Variants in ZRANB1 observed in about 807,000 individuals in gnomAD.
The protein encoded by ZRANB1 is zinc finger RANBP2-type containing 1, also known as ubiquitin thioesterase ZRANB1.
ZRANB1 carries 16 observed loss-of-function variants against 80.5 expected under a neutral mutation model. That is an observed-to-expected ratio of 0.20 (90% CI 0.13 to 0.30). ZRANB1 has a LOEUF of 0.30. Ranked by LOEUF, ZRANB1 falls within the 10% of genes least tolerant of loss-of-function variation. The probability of loss-of-function intolerance (pLI) is 1.00; values close to 1 mark genes in which losing one functional copy is unlikely to be tolerated. For missense variants in ZRANB1, 576 were observed against 862.6 expected (o/e 0.67, Z 4.16); for synonymous variants, 291 against 293.1 (o/e 0.99, Z 0.07).
upstream of ZRANB1, among the ~76,000 whole-genome samples, chr10:124,941,434 A>C (rs941674065): frequency 6.6e-6 from 1 of 152,000 alleles, no homozygotes; most frequent in Non-Finnish European, 1.5e-5. Context: ...GCTCACTGCA[A>C]CCTCTGCCTG....
chr10:124,917,606 C>T, the ZRANB1 span, among the ~76,000 whole-genome samples: 1 of 152,180 alleles, frequency 6.6e-6, no homozygotes, highest in Non-Finnish European at 1.5e-5. Flanking sequence ...GGAGACGGAT[C>T]GGCGAGTGGG....
chr10:124,930,010 G>GTTAC, the ZRANB1 span, among the ~76,000 whole-genome samples: 1 of 150,602 alleles, frequency 6.6e-6, no homozygotes, highest in African/African-American at 2.4e-5. Flanking sequence ...ATTCAATGAA[G>GTTAC]TTACTGTTCT....
chr10:124,937,463 G>A (rs1231310306), upstream of ZRANB1, among the ~76,000 whole-genome samples: 1 of 121,476 alleles, frequency 8.2e-6, no homozygotes, highest in Non-Finnish European at 1.8e-5. Context: ...TGGGATTATA[G>A]GCATCAGCCA....
chr10:124,960,105 G>A (rs1951721249), intron 1 of ZRANB1, among the ~76,000 whole-genome samples: 1 of 152,126 alleles, frequency 6.6e-6, no homozygotes, highest in African/African-American at 2.4e-5. Flanking sequence ...TTTTTAAGAG[G>A]TTTTGTGGTG....
At chr10:124,930,993 C>G in the ZRANB1 span, among the ~76,000 whole-genome samples, 1 of 152,076 alleles carries the variant, frequency 6.6e-6, no homozygotes, top group African/African-American at 2.4e-5. Context: ...TCATGCTGCT[C>G]TAGCTTAGGC....
intron 1 of ZRANB1, among the ~76,000 whole-genome samples, chr10:124,963,554 G>GT (rs760813299): frequency 0.12 from 7,026 of 57,008 alleles, 137 homozygotes; most frequent in Non-Finnish European, 0.16. Flanking sequence ...TTTTTTGTTT[G>GT]TTTTTTTTTT....
At chr10:124,921,652 A>G in the ZRANB1 span, among the ~76,000 whole-genome samples, 1 of 152,166 alleles carries the variant, frequency 6.6e-6, no homozygotes, top group Non-Finnish European at 1.5e-5. Context: ...GAAAGTATAT[A>G]AAAAGTATTT....
chr10:124,969,232 A>G (rs968257301), intron 2 of ZRANB1, among the ~76,000 whole-genome samples: 2 of 152,192 alleles, frequency 1.3e-5, no homozygotes, highest in African/African-American at 2.4e-5. Context: ...TGATTTAGGA[A>G]GCAACATACC....
chr10:124,933,683 T>C, the ZRANB1 span, among the ~76,000 whole-genome samples: 1 of 152,216 alleles, frequency 6.6e-6, no homozygotes, highest in Non-Finnish European at 1.5e-5. Context: ...AATGTTGTCA[T>C]AGGTTGTTAC....
chr10:124,920,853 C>T, the ZRANB1 span, among the ~76,000 whole-genome samples: 1 of 151,980 alleles, frequency 6.6e-6, no homozygotes, highest in African/African-American at 2.4e-5. Context: ...TATCTCTATA[C>T]CCTGTATCTA....
In ZRANB1 at chr10:124,981,551, T is replaced by C. The variant is rs878983083; in HGVS notation, c.1428-158T>C. The C allele has an allele frequency of 2.9e-5, 19 of 645,992 alleles. 1 individual carries two copies. The South Asian group carries it at 4.4e-4, about 15-fold the overall frequency. 40.0% of individuals were successfully genotyped at this position (645,992 alleles called of 1,614,324 possible). A position where few individuals can be genotyped will look rare whatever the true frequency, so the allele number is the denominator to read the frequency against. On this transcript the variant is annotated intron_variant, in intron 5 of 8. Coordinates refer to ENST00000359653, the MANE Select transcript of ZRANB1 (RefSeq NM_017580.3). Reference sequence around the variant, plus strand: ...TATCTGCTAGTGGAAGAGGGAGGCATTTTTCATTAGAAAAATACATTACCA... The same window carrying C: ...TATCTGCTAGTGGAAGAGGGAGGCACTTTTCATTAGAAAAATACATTACCA...
chr10:124,962,944 T>G (rs1278237373), intron 1 of ZRANB1, among the ~76,000 whole-genome samples: 6 of 152,054 alleles, frequency 3.9e-5, no homozygotes, highest in African/African-American at 1.5e-4. Flanking sequence ...AATACACGTT[T>G]GTTAAATTTT....
At chr10:124,943,356 A>G (rs1951552865) in intron 1 of ZRANB1, 49 bp downstream of exon 1, 1 of 1,545,120 alleles carries the variant, frequency 6.5e-7, no homozygotes, top group East Asian at 2.3e-5. Context: ...AAAAGGTAGT[A>G]AAAATGATAT....
the ZRANB1 span, among the ~76,000 whole-genome samples, chr10:124,928,275 G>T: frequency 6.6e-6 from 1 of 152,186 alleles, no homozygotes; most frequent in Non-Finnish European, 1.5e-5. Context: ...AGAGGCTACG[G>T]TGTCGCCGAA....
the ZRANB1 span, among the ~76,000 whole-genome samples, chr10:124,928,214 C>T: frequency 5.9e-5 from 9 of 152,128 alleles, no homozygotes; most frequent in East Asian, 3.9e-4. Context: ...CATCCTGTTA[C>T]GAGTGAAGGC....
the ZRANB1 span, among the ~76,000 whole-genome samples, chr10:124,932,918 C>T: frequency 1.3e-5 from 2 of 152,012 alleles, no homozygotes; most frequent in Admixed American, 6.6e-5. Flanking sequence ...ATATATTCTT[C>T]GGTGAGGTGT....
chr10:124,978,184 G>A (rs1010068465), intron 5 of ZRANB1, among the ~76,000 whole-genome samples: 1 of 152,136 alleles, frequency 6.6e-6, no homozygotes, highest in African/African-American at 2.4e-5. Flanking sequence ...AGTTGCATTA[G>A]GTTTGTCCAC....
the ZRANB1 span, among the ~76,000 whole-genome samples, chr10:124,927,710 A>C: frequency 2.6e-5 from 4 of 152,218 alleles, no homozygotes; most frequent in Non-Finnish European, 5.9e-5. Context: ...GTAAACTAAG[A>C]ACTATTTTAG....
rs150163191 is a variant in ZRANB1 at position 124,943,296 on chromosome 10, A to G, written c.803A>G (p.Asn268Ser). The G allele has an allele frequency of 5.1e-5, 83 of 1,611,904 alleles. No individual in the cohort carries two copies. Among genetic ancestry groups the G allele is most frequent in the African/African-American group, 3.6e-4 (27 of 74,878 alleles). The stretch of plus-strand genomic sequence containing the variant: ...AAAAAGACTGATTGGCTCTTCCTCA[A>G]TGCTTGTGTGGGTAAGTTTCTGTAT... ...RMKKTDWLFL[N>S]ACVGVVEGDL... Residue 268 changes from asparagine (N) to serine (S), a missense_variant, in exon 1 of 9, where the codon AAT (asparagine) becomes AGT (serine). By Grantham distance (46) the Asn-to-Ser change is conservative (BLOSUM62 1). Around this residue, in one of 3 missense-constraint regions of ZRANB1, gnomAD observed 411 missense variants for 583.1 expected, o/e 0.70. Transcript: ENST00000359653.
Sources: allele counts gnomAD v4.1 joint callset (sites outside exome capture counted in the v4.1 genomes callset), GRCh38; gene constraint gnomAD v4.1.1; regional missense constraint gnomAD v4.1.1; transcripts MANE v1.5; gene names NCBI Gene and HGNC (gene_info 2026-07-23, HGNC 2026-07-21).